CHD9NB: variants seen among roughly 807,000 people sequenced by gnomAD.
CHD9NB encodes CHD9 neighbor protein.
chr16:53,042,728 A>C, the CHD9NB span: 1 of 152,222 alleles, frequency 6.6e-6, no homozygotes, highest in African/African-American at 2.4e-5. Context: ...AATGGTCCTC[A>C]CTATGCACAG....
At chr16:53,040,044 T>C in the CHD9NB span, among the ~76,000 whole-genome samples, 1 of 152,114 alleles carries the variant, frequency 6.6e-6, no homozygotes, top group South Asian at 2.1e-4. Flanking sequence ...GCTCTCAGTA[T>C]AAAATACAAG....
chr16:53,042,055 T>C, the CHD9NB span, among the ~76,000 whole-genome samples: 1 of 152,160 alleles, frequency 6.6e-6, no homozygotes, highest in Admixed American at 6.5e-5. Flanking sequence ...CCTTATTTTT[T>C]CCTCACCGCA....
the CHD9NB span, among the ~76,000 whole-genome samples, chr16:53,049,679 G>A: frequency 6.6e-6 from 1 of 152,130 alleles, no homozygotes; most frequent in South Asian, 2.1e-4. Flanking sequence ...GTAAAAGAGG[G>A]AAGGACACAG....
At chr16:53,041,088 T>G in the CHD9NB span, among the ~76,000 whole-genome samples, 1 of 151,814 alleles carries the variant, frequency 6.6e-6, no homozygotes, top group Non-Finnish European at 1.5e-5. Context: ...GCATGGATGA[T>G]GGATAATGGA....
At chr16:53,036,913 G>T in the CHD9NB span, among the ~76,000 whole-genome samples, 135,828 of 152,124 alleles carry the variant, frequency 0.89, 61,429 homozygotes, top group Non-Finnish European at 0.98. Context: ...GTGTTTCCCG[G>T]GCAGCTGTCC....
At chr16:53,039,582 T>C in the CHD9NB span, among the ~76,000 whole-genome samples, 1,019 of 152,150 alleles carry the variant, frequency 6.7e-3, 12 homozygotes, top group African/African-American at 0.023. Context: ...CCGTCTCTAC[T>C]AAAAATACAA....
At chr16:53,042,596 C>T in the CHD9NB span, 1 of 151,646 alleles carries the variant, frequency 6.6e-6, no homozygotes. Flanking sequence ...CCTCCCCGTC[C>T]CCCACCACCA....
chr16:53,051,853 G>A, the CHD9NB span, among the ~76,000 whole-genome samples: 635 of 143,602 alleles, frequency 4.4e-3, 7 homozygotes, highest in African/African-American at 0.016. Context: ...AAAGCACAGC[G>A]TCCAGCACAT....
chr16:53,048,900 A>G, the CHD9NB span, among the ~76,000 whole-genome samples: 7 of 152,228 alleles, frequency 4.6e-5, no homozygotes, highest in Non-Finnish European at 1.0e-4. Context: ...ACTAGTAGGT[A>G]TATAAGCCTT....
the CHD9NB span, among the ~76,000 whole-genome samples, chr16:53,039,022 C>CT: frequency 9.2e-5 from 14 of 151,432 alleles, no homozygotes; most frequent in Admixed American, 5.9e-4. Flanking sequence ...TCCTTGTATG[C>CT]TTTTTTTTTC....
chr16:53,052,020 G>T, the CHD9NB span, among the ~76,000 whole-genome samples: 1 of 151,228 alleles, frequency 6.6e-6, no homozygotes, highest in Non-Finnish European at 1.5e-5. Context: ...GAGAAAGTGG[G>T]GAGAGTAACA....
the CHD9NB span, among the ~76,000 whole-genome samples, chr16:53,042,247 T>C: frequency 6.7e-6 from 1 of 148,892 alleles, no homozygotes; most frequent in Non-Finnish European, 1.5e-5. Flanking sequence ...CATTTTTCTC[T>C]TCCTCCCTCC....
At chr16:53,040,732 T>A in the CHD9NB span, among the ~76,000 whole-genome samples, 6 of 152,040 alleles carry the variant, frequency 3.9e-5, no homozygotes, top group Non-Finnish European at 8.8e-5. Flanking sequence ...AGTGATAGAG[T>A]AGAAACTCAA....
chr16:53,052,399 C>T, the CHD9NB span, among the ~76,000 whole-genome samples: 1 of 152,090 alleles, frequency 6.6e-6, no homozygotes, highest in Non-Finnish European at 1.5e-5. Flanking sequence ...TTAAAGAAAA[C>T]TGTTAGTGTC....
chr16:53,052,196 T>TAAA, the CHD9NB span, among the ~76,000 whole-genome samples: 20 of 83,614 alleles, frequency 2.4e-4, no homozygotes, highest in African/African-American at 6.9e-4. Context: ...CTGAGCAACA[T>TAAA]AAAAAAAAAA....
At chr16:53,041,935 G>T in the CHD9NB span, among the ~76,000 whole-genome samples, 1 of 152,178 alleles carries the variant, frequency 6.6e-6, no homozygotes, top group Non-Finnish European at 1.5e-5. Flanking sequence ...GCAGGGCTTT[G>T]GGCCAGCTGA....
At chr16:53,051,108 T>C in the CHD9NB span, among the ~76,000 whole-genome samples, 1 of 151,946 alleles carries the variant, frequency 6.6e-6, no homozygotes, top group Non-Finnish European at 1.5e-5. Flanking sequence ...AGGATGGTCT[T>C]GATCTCCTGA....
At chr16:53,045,631 T>C in the CHD9NB span, among the ~76,000 whole-genome samples, 1 of 152,220 alleles carries the variant, frequency 6.6e-6, no homozygotes, top group East Asian at 1.9e-4. Context: ...TGATTCTTTG[T>C]GTATGCACAC....
At chr16:53,044,316 T>G in the CHD9NB span, 1 of 396,114 alleles carries the variant, frequency 2.5e-6, no homozygotes, top group Non-Finnish European at 4.4e-6. Flanking sequence ...CGCCCCGCTG[T>G]GCATAAGGAG....
Sources: allele counts gnomAD v4.1 joint callset (sites outside exome capture counted in the v4.1 genomes callset), GRCh38; gene constraint gnomAD v4.1.1; transcripts MANE v1.5; gene names NCBI Gene and HGNC (gene_info 2026-07-23, HGNC 2026-07-21).